EYS: variants seen among roughly 807,000 people sequenced by gnomAD.
The protein encoded by EYS is EGF-like photoreceptor maintenance factor, also known as protein eyes shut homolog.
In EYS, 250 loss-of-function variants were observed where a neutral mutation model predicts 282.1. The ratio of observed to expected loss-of-function variants is 0.89; its 90% CI spans 0.80 to 0.98. EYS has a LOEUF of 0.98. EYS is among the 50% of genes least tolerant of loss of function. EYS has a pLI of 0.00. For missense variants in EYS, 4,016 were observed against 3,709.0 expected, an observed-to-expected ratio of 1.08 and a Z score of -2.15; for synonymous variants, 1,355 against 1,282.9, an observed-to-expected ratio of 1.06 and a Z score of -1.20.
At chr6:64,768,169 T>C (rs1773412134) in intron 22 of EYS, among the ~76,000 whole-genome samples, 1 of 152,098 alleles carries the variant, frequency 6.6e-6, no homozygotes. Context: ...TCTGTTTGAT[T>C]CATGTATTTC....
intron 26 of EYS, among the ~76,000 whole-genome samples, chr6:64,518,977 T>C (rs754992364): frequency 6.9e-4 from 105 of 151,950 alleles, no homozygotes; most frequent in Non-Finnish European, 1.4e-3. Context: ...GAGAACGGAC[T>C]ACTACAGGGA....
chr6:65,653,654 G>A (rs944860208), intron 1 of EYS, among the ~76,000 whole-genome samples: 1 of 151,906 alleles, frequency 6.6e-6, no homozygotes, highest in Non-Finnish European at 1.5e-5. Context: ...AACTGCACTG[G>A]TTTGTCATCT....
In EYS at chr6:64,483,747, T is replaced by C. The variant is rs147472186; in HGVS notation, c.5645-44395A>G. ...TGCAAGCTACATTCTAGTGTTAGCTTCATTAATAATAAAGGTGATATTTTG... is the reference window on the plus strand; with the variant it reads ...TGCAAGCTACATTCTAGTGTTAGCTCCATTAATAATAAAGGTGATATTTTG... On this transcript the variant is annotated intron_variant, in intron 26 of 42. Coordinates refer to ENST00000503581, the MANE Select transcript of EYS (RefSeq NM_001142800.2). 2.8e-4 allele frequency among the ~76,000 whole-genome samples: 42 copies of C among 151,750 alleles called. No homozygotes were observed. The East Asian group carries it at 8.0e-3, about 29-fold the overall frequency.
chr6:64,552,212 C>G (rs147430835), intron 26 of EYS, among the ~76,000 whole-genome samples: 280 of 152,254 alleles, frequency 1.8e-3, no homozygotes, highest in African/African-American at 6.4e-3. Flanking sequence ...AAAACAGAAA[C>G]CTTAAGACGG....
intron 12 of EYS, among the ~76,000 whole-genome samples, chr6:65,062,004 T>C (rs1773588973): frequency 6.6e-6 from 1 of 151,962 alleles, no homozygotes; most frequent in South Asian, 2.1e-4. Context: ...GTCACCTTTA[T>C]TTTTGTTTAT....
At chr6:64,761,457 T>C (rs574390400) in intron 22 of EYS, among the ~76,000 whole-genome samples, 1 of 152,266 alleles carries the variant, frequency 6.6e-6, no homozygotes, top group East Asian at 1.9e-4. Context: ...GCAAAAATGG[T>C]ATTAATGTTG....
chr6:63,994,420 T>C (rs1197906626), intron 34 of EYS, among the ~76,000 whole-genome samples: 1 of 151,912 alleles, frequency 6.6e-6, no homozygotes, highest in Non-Finnish European at 1.5e-5. Flanking sequence ...GAATTCCCTG[T>C]TAGTCACAAG....
chr6:63,831,312 C>T (rs1484090261), intron 36 of EYS, among the ~76,000 whole-genome samples: 4 of 152,144 alleles, frequency 2.6e-5, no homozygotes, highest in Non-Finnish European at 5.9e-5. Flanking sequence ...GTGCTGTACT[C>T]AGGAGACCCA....
intron 5 of EYS, among the ~76,000 whole-genome samples, chr6:65,406,497 AT>A (rs1161680256): frequency 2.6e-5 from 4 of 152,024 alleles, no homozygotes; most frequent in Admixed American, 1.3e-4. Flanking sequence ...GTCTAATAAT[AT>A]TTTGCCTAAC....
chr6:64,741,483 G>T (rs913594398), intron 22 of EYS, among the ~76,000 whole-genome samples: 1 of 152,138 alleles, frequency 6.6e-6, no homozygotes, highest in Non-Finnish European at 1.5e-5. Context: ...AGCTGCATCA[G>T]CCCCTAGCAA....
intron 12 of EYS, among the ~76,000 whole-genome samples, chr6:65,092,068 TG>T (rs1380240470): frequency 6.6e-6 from 1 of 152,142 alleles, no homozygotes; most frequent in Non-Finnish European, 1.5e-5. Flanking sequence ...TTTATATTTT[TG>T]TGAATTATTT....
intron 32 of EYS, among the ~76,000 whole-genome samples, chr6:64,075,311 TG>T (rs1480259973): frequency 6.6e-6 from 1 of 151,908 alleles, no homozygotes; most frequent in African/African-American, 2.4e-5. Context: ...AGAGAAGCTC[TG>T]GGGAGAACTG....
intron 33 of EYS, among the ~76,000 whole-genome samples, chr6:64,031,229 G>A (rs1473401748): frequency 6.6e-6 from 1 of 152,230 alleles, no homozygotes; most frequent in South Asian, 2.1e-4. Flanking sequence ...GTGGGCATGG[G>A]CTTGGCCAGC....
chr6:64,751,090 C>T (rs1022252912), intron 22 of EYS, among the ~76,000 whole-genome samples: 2 of 151,976 alleles, frequency 1.3e-5, no homozygotes, highest in Non-Finnish European at 2.9e-5. Context: ...TATCTCCTGG[C>T]TTTTGGTACA....
At chr6:64,532,239 G>A (rs971167537) in intron 26 of EYS, among the ~76,000 whole-genome samples, 1 of 152,100 alleles carries the variant, frequency 6.6e-6, no homozygotes, top group African/African-American at 2.4e-5. Flanking sequence ...TTAAAAAATT[G>A]GGATTTTAAT....
At chr6:64,370,953 C>A (rs1042438409) in intron 29 of EYS, among the ~76,000 whole-genome samples, 2 of 151,812 alleles carry the variant, frequency 1.3e-5, no homozygotes, top group Non-Finnish European at 2.9e-5. Flanking sequence ...CATATTAATT[C>A]TTTCAAAGAG....
intron 26 of EYS, among the ~76,000 whole-genome samples, chr6:64,572,753 T>G (rs1347438405): frequency 6.6e-6 from 1 of 152,144 alleles, no homozygotes; most frequent in African/African-American, 2.4e-5. Flanking sequence ...TACAAACCAC[T>G]GCTCAAGGAA....
At chr6:63,999,497 C>T (rs1006613373) in intron 33 of EYS, among the ~76,000 whole-genome samples, 9 of 152,268 alleles carry the variant, frequency 5.9e-5, no homozygotes, top group African/African-American at 1.4e-4. Flanking sequence ...ATTTTAAGTG[C>T]TAACTGTGGT....
At chr6:64,000,777 A>G (rs986922361) in intron 33 of EYS, among the ~76,000 whole-genome samples, 1 of 152,078 alleles carries the variant, frequency 6.6e-6, no homozygotes, top group African/African-American at 2.4e-5. Context: ...CTTCCAGTAA[A>G]TTATTCCACG....
Sources: allele counts gnomAD v4.1 joint callset (sites outside exome capture counted in the v4.1 genomes callset), GRCh38; gene constraint gnomAD v4.1.1; transcripts MANE v1.5; gene names NCBI Gene and HGNC (gene_info 2026-07-23, HGNC 2026-07-21).